CASR: variants seen among roughly 807,000 people sequenced by gnomAD.
The protein encoded by CASR is calcium sensing receptor, also known as extracellular calcium-sensing receptor.
CASR carries 23 observed loss-of-function variants against 69.1 expected under a neutral mutation model. That is an observed-to-expected ratio of 0.33 (90% CI 0.24 to 0.47). The LOEUF is 0.47. Ranked by LOEUF, CASR falls within the 20% of genes least tolerant of loss-of-function variation. The pLI, the probability that CASR is intolerant of heterozygous loss-of-function variation, is 1.00. For synonymous variants in CASR, 541 were observed against 544.7 expected, an observed-to-expected ratio of 0.99 and a Z score of 0.10; for missense variants, 924 against 1,356.1, an observed-to-expected ratio of 0.68 and a Z score of 5.00.
intron 5 of CASR, among the ~76,000 whole-genome samples, chr3:122,277,335 C>A (rs2107644826): frequency 6.6e-6 from 1 of 152,190 alleles, no homozygotes; most frequent in African/African-American, 2.4e-5. Flanking sequence ...ACGTGAGCCA[C>A]CATGCCCAGC....
rs1197125807 is a variant in CASR, at chr3:122,289,878, A to T, written c.*4687A>T. 3.3e-5 allele frequency: 5 copies of T among 151,684 alleles called. No homozygotes were observed. Among genetic ancestry groups the T allele is most frequent in the African/African-American group, 1.2e-4 (5 of 41,146 alleles). 9.4% of individuals were successfully genotyped at this position (151,684 alleles called of 1,614,324 possible). A position where few individuals can be genotyped will look rare whatever the true frequency, so the allele number is the denominator to read the frequency against. ...ATCACTTGAGCCCTAAGAGTTGAAG[A>T]CCAGCCTGGGCAACATGGCAAAACC... On this transcript the variant is annotated 3_prime_UTR_variant, in exon 7 of 7. Coordinates refer to ENST00000639785, the MANE Select transcript of CASR (RefSeq NM_000388.4).
chr3:122,275,920 C>T lies in CASR; in HGVS notation c.1486C>T (p.Leu496Phe), dbSNP rs763490474. The change falls in exon 5 of 7, where the codon CTC (leucine) becomes TTC (phenylalanine). Residue 496 changes from leucine (L) to phenylalanine (F), a missense_variant. Around this residue, in one of 8 missense-constraint regions of CASR, gnomAD observed 310 missense variants for 395.7 expected, o/e 0.78. Transcript: ENST00000639785. ...VGNYSIINWH[L>F]SPEDGSIVFK... ...GAACTATTCCATCATCAACTGGCAC[C>T]TCTCCCCAGAGGATGGCTCCATCGT... The T allele has an allele frequency of 1.2e-6, 2 of 1,613,848 alleles. No individual in the cohort carries two copies. Among genetic ancestry groups the T allele is most frequent in the South Asian group, 1.1e-5 (1 of 91,074 alleles).
intron 1 of CASR, among the ~76,000 whole-genome samples, chr3:122,204,132 A>T (rs1214413562): frequency 6.6e-6 from 1 of 152,144 alleles, no homozygotes; most frequent in Admixed American, 6.5e-5. Context: ...GCTATTTTGA[A>T]ATATACAATA....
chr3:122,188,951 T>G (rs751926603), intron 1 of CASR, among the ~76,000 whole-genome samples: 2 of 152,138 alleles, frequency 1.3e-5, no homozygotes, highest in African/African-American at 2.4e-5. Context: ...TGTGTGATAG[T>G]GTTTGTTGAA....
chr3:122,225,819 A>G (rs2074217199), intron 1 of CASR, among the ~76,000 whole-genome samples: 1 of 152,248 alleles, frequency 6.6e-6, no homozygotes, highest in South Asian at 2.1e-4. Context: ...ACATGGAGTC[A>G]ACCAAGATGC....
intron 1 of CASR, among the ~76,000 whole-genome samples, chr3:122,252,455 A>AAAG (rs879317403): frequency 0.042 from 4,245 of 99,960 alleles, 225 homozygotes; most frequent in Non-Finnish European, 0.049. Flanking sequence ...GAAAAAAAAG[A>AAAG]AAAGAAAGAA....
intron 3 of CASR, among the ~76,000 whole-genome samples, chr3:122,258,708 T>C: frequency 6.6e-6 from 1 of 152,318 alleles, no homozygotes; most frequent in East Asian, 1.9e-4. Context: ...ATAAAAGTGC[T>C]TTGATTATCA....
chr3:122,223,992 C>T (rs1055771835), intron 1 of CASR, among the ~76,000 whole-genome samples: 2 of 152,058 alleles, frequency 1.3e-5, no homozygotes, highest in Non-Finnish European at 2.9e-5. Context: ...TTCAACAGCC[C>T]TTCATATTAA....
intron 1 of CASR, among the ~76,000 whole-genome samples, chr3:122,197,581 T>A (rs1437117805): frequency 6.6e-6 from 1 of 152,196 alleles, no homozygotes; most frequent in African/African-American, 2.4e-5. Context: ...TAATAACTCT[T>A]TTTTTCTTAA....
rs189297106 is a variant in CASR at position 122,191,141 on chromosome 3, G to T, written c.-243+7329G>T. Among the ~76,000 whole-genome samples, 13 of 152,294 alleles carry T rather than the reference G, an allele frequency of 8.5e-5. No individual in the cohort carries two copies. The East Asian group carries it at 2.1e-3, about 25-fold the overall frequency. On this transcript the variant is annotated intron_variant, in intron 1 of 6. Transcript: ENST00000639785. The stretch of plus-strand genomic sequence containing the variant: ...ACACTCAGTCAAGTTAAAACTTAAA[G>T]TTGCAACTTGAAGTTTGGAATGTTT...
intron 1 of CASR, among the ~76,000 whole-genome samples, chr3:122,229,632 C>A (rs2074260862): frequency 6.6e-6 from 1 of 152,234 alleles, no homozygotes; most frequent in Non-Finnish European, 1.5e-5. Context: ...GAGGCCAAGG[C>A]AGGTGGATCA....
At chr3:122,259,567 C>A (rs2074596158) in intron 3 of CASR, among the ~76,000 whole-genome samples, 1 of 138,434 alleles carries the variant, frequency 7.2e-6, no homozygotes, top group East Asian at 1.9e-4. Flanking sequence ...TTTTTACAGA[C>A]CAACGCCTTT....
intron 1 of CASR, among the ~76,000 whole-genome samples, chr3:122,204,565 A>G (rs1302278747): frequency 1.3e-5 from 2 of 152,130 alleles, no homozygotes; most frequent in African/African-American, 4.8e-5. Context: ...TCTTCTTGAT[A>G]TATTGACTTT....
At chr3:122,257,015 A>G (rs1334023609) in intron 2 of CASR, 66 bp from the exon 3 acceptor site, 4 of 1,359,774 alleles carry the variant, frequency 2.9e-6, no homozygotes, top group Non-Finnish European at 4.2e-6. Flanking sequence ...CAGCTTTGCC[A>G]GGTCTTTACT....
intron 1 of CASR, among the ~76,000 whole-genome samples, chr3:122,233,606 A>C (rs1231895305): frequency 6.6e-6 from 1 of 152,202 alleles, no homozygotes; most frequent in Non-Finnish European, 1.5e-5. Context: ...CTGTCTCCAG[A>C]GCGAATGTTT....
At chr3:122,225,825 G>A (rs1433779552) in intron 1 of CASR, among the ~76,000 whole-genome samples, 2 of 152,190 alleles carry the variant, frequency 1.3e-5, no homozygotes, top group Admixed American at 6.5e-5. Flanking sequence ...AGTCAACCAA[G>A]ATGCCCATCA....
At chr3:122,234,947 C>T (rs4677900) in intron 1 of CASR, among the ~76,000 whole-genome samples, 24,773 of 152,202 alleles carry the variant, frequency 0.16, 2,090 homozygotes, top group Non-Finnish European at 0.18. Context: ...CAGAGAGACA[C>T]TGAGAGTGCA....
intron 1 of CASR, among the ~76,000 whole-genome samples, chr3:122,236,076 A>G (rs1359433220): frequency 2.0e-5 from 3 of 152,228 alleles, no homozygotes; most frequent in Non-Finnish European, 4.4e-5. Flanking sequence ...ACCCGGCCCC[A>G]TGCCCAACAG....
At chr3:122,280,160 TC>T (rs1345307948) in intron 5 of CASR, among the ~76,000 whole-genome samples, 2 of 152,044 alleles carry the variant, frequency 1.3e-5, no homozygotes, top group African/African-American at 4.8e-5. Flanking sequence ...AAATTCAACA[TC>T]CCTTCATGTT....
Sources: gnomAD v4.1 joint callset for allele counts (sites outside exome capture counted in the v4.1 genomes callset) on GRCh38, gnomAD v4.1.1 for gene constraint, gnomAD v4.1.1 regional missense constraint, MANE v1.5 for transcripts, NCBI Gene and HGNC (gene_info 2026-07-23, HGNC 2026-07-21) for gene names.